The following NFX1 variants were observed in gnomAD, a reference collection of about 807,000 sequenced individuals.
The protein encoded by NFX1 is transcriptional repressor NF-X1.
In NFX1, 69 loss-of-function variants were observed where a neutral mutation model predicts 137.2. The observed-to-expected ratio is 0.50, with a 90% CI of 0.41 to 0.61. The LOEUF (loss-of-function observed/expected upper bound fraction) is 0.61, where lower values mean the gene tolerates loss of function less well. Among genes scored for constraint, NFX1 ranks in the 20% least tolerant of loss-of-function variants. The pLI is 0.00. For missense variants in NFX1, 1,167 were observed against 1,391.0 expected (o/e 0.84, Z 2.56); for synonymous variants, 495 against 474.1 (o/e 1.04, Z -0.57).
intron 2 of NFX1, among the ~76,000 whole-genome samples, chr9:33,296,452 G>T (rs1821358449): frequency 6.6e-6 from 1 of 152,220 alleles, no homozygotes. Context: ...TTTAGGCCAG[G>T]CATGGTGGCT....
Position 33,290,543 on chromosome 9 carries a change from T to C in NFX1, c.-30T>C. The C allele has an allele frequency of 6.2e-7, 1 of 1,613,858 alleles. No homozygotes were observed. Among genetic ancestry groups the C allele is most frequent in the Non-Finnish European group, 8.5e-7 (1 of 1,179,872 alleles). On this transcript the variant is annotated 5_prime_UTR_variant, in exon 1 of 24. Coordinates refer to ENST00000379540, the MANE Select transcript of NFX1 (RefSeq NM_002504.6). Reference sequence around the variant, plus strand: ...CCTGGTGACAGTGCTGACTTGGCTGTACAGCTCGATCTAGGTTCTGCGGCA... The same window carrying C: ...CCTGGTGACAGTGCTGACTTGGCTGCACAGCTCGATCTAGGTTCTGCGGCA...
At chr9:33,344,565 A>C (rs761527546) in intron 14 of NFX1, among the ~76,000 whole-genome samples, 22 of 152,222 alleles carry the variant, frequency 1.4e-4, no homozygotes, top group Non-Finnish European at 2.9e-4. Context: ...TCGTATTAAA[A>C]TTAAGAAAAT....
intron 14 of NFX1, among the ~76,000 whole-genome samples, chr9:33,346,808 T>C (rs1469617692): frequency 6.6e-6 from 1 of 152,172 alleles, no homozygotes; most frequent in Non-Finnish European, 1.5e-5. Flanking sequence ...TCTGCTTCTG[T>C]TTTGGCATGT....
chr9:33,323,774 A>C (rs867328899), intron 9 of NFX1, among the ~76,000 whole-genome samples: 269 of 151,196 alleles, frequency 1.8e-3, no homozygotes, highest in Middle Eastern at 6.9e-3. Flanking sequence ...CAAACAAAAA[A>C]AAACAAATAA....
chr9:33,311,780 T>G (rs1416947524), intron 6 of NFX1, among the ~76,000 whole-genome samples: 1 of 152,144 alleles, frequency 6.6e-6, no homozygotes, highest in Non-Finnish European at 1.5e-5. Flanking sequence ...CTTGAACTAT[T>G]GACTTCGTGA....
intron 1 of NFX1, 80 bp downstream of exon 1, chr9:33,290,677 C>A: frequency 7.1e-7 from 1 of 1,413,284 alleles, no homozygotes; most frequent in Non-Finnish European, 9.7e-7. Context: ...AGGGCCTCAG[C>A]CACTCATATC....
chr9:33,352,659 G>A lies in NFX1; in HGVS notation c.2669G>A (p.Cys890Tyr). ...TACKAKVELQCECGRRKEMVI... is the reference protein window; with the variant it reads ...TACKAKVELQYECGRRKEMVI... Reference sequence around the variant, plus strand: ...ATCTGACTTCAGGTAGAGCTACAGTGTGAATGTGGACGAAGAAAAGAGATG... The same window carrying A: ...ATCTGACTTCAGGTAGAGCTACAGTATGAATGTGGACGAAGAAAAGAGATG... The change falls in exon 17 of 24, where the codon TGT (cysteine) becomes TAT (tyrosine). Residue 890 changes from cysteine to tyrosine, a missense_variant. By Grantham distance (194) the Cys-to-Tyr change is radical. This residue lies in a region of NFX1 where 312 missense variants were observed against 312.8 expected (regional missense o/e 1.00). Coordinates refer to ENST00000379540, the MANE Select transcript of NFX1 (RefSeq NM_002504.6). 6.2e-7 allele frequency: 1 copy of A among 1,614,184 alleles called. No individual in the cohort carries two copies. Among genetic ancestry groups the A allele is most frequent in the Non-Finnish European group, 8.5e-7 (1 of 1,179,992 alleles).
At chr9:33,344,016 T>C in intron 13 of NFX1, 53 bp from the exon 14 acceptor site, 1 of 1,611,392 alleles carries the variant, frequency 6.2e-7, no homozygotes, top group Non-Finnish European at 8.5e-7. Context: ...AGTATGTACT[T>C]GCACATCCCA....
chr9:33,296,067 C>T (rs1319481529), intron 2 of NFX1, among the ~76,000 whole-genome samples: 2 of 152,322 alleles, frequency 1.3e-5, no homozygotes, highest in East Asian at 3.9e-4. Context: ...GCTGGGATTA[C>T]AGGCGCCCGC....
intron 19 of NFX1, among the ~76,000 whole-genome samples, chr9:33,362,243 C>T (rs1378047747): frequency 6.6e-6 from 1 of 151,976 alleles, no homozygotes; most frequent in Non-Finnish European, 1.5e-5. Flanking sequence ...ATAGAACTAC[C>T]ATATGATCCA....
At chr9:33,369,748 T>C (rs1439602120) in intron 23 of NFX1, among the ~76,000 whole-genome samples, 158 bp from the exon 24 acceptor site, 2 of 152,012 alleles carry the variant, frequency 1.3e-5, no homozygotes, top group African/African-American at 2.4e-5. Context: ...AAAAAATTGC[T>C]CACAAAGGGC....
chr9:33,367,520 A>G lies in NFX1; in HGVS notation c.3191A>G (p.Lys1064Arg), dbSNP rs768549065. The G allele has an allele frequency of 2.5e-6, 4 of 1,613,812 alleles. No homozygotes were observed. The South Asian group carries it at 4.4e-5, about 18-fold the overall frequency. Residue 1064 changes from lysine (K) to arginine (R), a missense_variant, in exon 23 of 24, where the codon AAG (lysine) becomes AGG (arginine). Physicochemically the swap from Lys to Arg is conservative, Grantham distance 26 (BLOSUM62 2). This residue lies in a region of NFX1 where 312 missense variants were observed against 312.8 expected (regional missense o/e 1.00). Coordinates refer to ENST00000379540, the MANE Select transcript of NFX1 (RefSeq NM_002504.6). ...RNVVVTAIRG[K>R]SVCPPTTLTG... ...GGTGTTTTGACTTTTATCAGGGGGAAGTCCGTTTGTCCTCCTACCACGCTG... is the reference window on the plus strand; with the variant it reads ...GGTGTTTTGACTTTTATCAGGGGGAGGTCCGTTTGTCCTCCTACCACGCTG...
At chr9:33,348,651 A>G in intron 15 of NFX1, 2 of 575,232 alleles carry the variant, frequency 3.5e-6, no homozygotes, top group Non-Finnish European at 4.4e-6. Context: ...CTTGCTGGAG[A>G]CAGGGTTGCC....
chr9:33,333,757 T>C (rs748314218), intron 11 of NFX1, among the ~76,000 whole-genome samples: 2 of 152,228 alleles, frequency 1.3e-5, no homozygotes, highest in Non-Finnish European at 1.5e-5. Context: ...AGTGGCCGTT[T>C]GGGAGGTACC....
chr9:33,313,556 G>T, intron 6 of NFX1, 98 bp from the exon 7 acceptor site: 1 of 1,164,312 alleles, frequency 8.6e-7, no homozygotes, highest in Non-Finnish European at 1.2e-6. Flanking sequence ...GAAAGGCTTA[G>T]TGGGTTTTGA....
intron 22 of NFX1, 89 bp from the exon 23 acceptor site, chr9:33,367,426 G>C (rs1266433507): frequency 1.5e-6 from 2 of 1,360,560 alleles, no homozygotes; most frequent in African/African-American, 2.9e-5. Flanking sequence ...GTGTCATAGT[G>C]CCAAAATCAA....
At chr9:33,363,728 C>G (rs1250898866) in intron 19 of NFX1, among the ~76,000 whole-genome samples, 1 of 152,120 alleles carries the variant, frequency 6.6e-6, no homozygotes, top group Admixed American at 6.5e-5. Context: ...ATTGACCATT[C>G]TCAGTGATCC....
chr9:33,369,942 G>A lies in NFX1; in HGVS notation c.3327G>A (p.Lys1109=). The A allele has an allele frequency of 6.2e-7, 1 of 1,613,592 alleles. No homozygotes were observed. Among genetic ancestry groups the A allele is most frequent in the Non-Finnish European group, 8.5e-7 (1 of 1,179,626 alleles). The change falls in exon 24 of 24, where the codon AAG becomes AAA. Residue 1109 remains lysine (K), a synonymous_variant. Transcript: ENST00000379540. ...GCAGTAATTTACAGAAAATAACCAA[G>A]GAGCCAATAATTGACTATTTTGACG... The part of the protein sequence containing the change: ...PGSSNLQKIT[K]EPIIDYFDVQ...
At chr9:33,302,735 T>A (rs1192764801) in intron 3 of NFX1, among the ~76,000 whole-genome samples, 1 of 151,842 alleles carries the variant, frequency 6.6e-6, no homozygotes, top group Admixed American at 6.6e-5. Context: ...AGTGGCACGA[T>A]CTCGGCTCAC....
Sources: gnomAD v4.1 joint callset for allele counts (sites outside exome capture counted in the v4.1 genomes callset) on GRCh38, gnomAD v4.1.1 for gene constraint, gnomAD v4.1.1 regional missense constraint, MANE v1.5 for transcripts, NCBI Gene and HGNC (gene_info 2026-07-23, HGNC 2026-07-21) for gene names.